The following ZNF532 variants were observed in gnomAD, a reference collection of about 807,000 sequenced individuals.
The protein encoded by ZNF532 is zinc finger protein 532.
Under a neutral mutation model 89.3 loss-of-function variants are expected in ZNF532, and 22 were observed. The ratio of observed to expected loss-of-function variants is 0.25; its 90% CI spans 0.18 to 0.35. The LOEUF is 0.35. Ranked by LOEUF, ZNF532 falls within the 10% of genes least tolerant of loss-of-function variation. ZNF532 has a pLI of 1.00. For synonymous variants in ZNF532, 606 were observed against 649.6 expected, an observed-to-expected ratio of 0.93 and a Z score of 1.02; for missense variants, 1,132 against 1,643.4, an observed-to-expected ratio of 0.69 and a Z score of 5.38.
intron 5 of ZNF532, among the ~76,000 whole-genome samples, chr18:58,942,246 A>T (rs181841549): frequency 0.034 from 5,022 of 145,662 alleles, 109 homozygotes; most frequent in Middle Eastern, 0.056. Context: ...ATGGTCTCGA[A>T]CTCCTGACCT....
Position 58,981,453 on chromosome 18 carries a change from T to A in ZNF532, c.3264-17T>A. The stretch of plus-strand genomic sequence containing the variant: ...TTTGTCAGCAAGTGCGTTATCTCCT[T>A]GCCTTTCACCCCACAGGCACTGCCC... On this transcript the variant is annotated splice_polypyrimidine_tract_variant and intron_variant, in intron 8 of 9. Coordinates refer to ENST00000591808, the MANE Select transcript of ZNF532 (RefSeq NM_001375912.1). 1.2e-6 allele frequency: 2 copies of A among 1,608,286 alleles called. No individual in the cohort carries two copies. Among genetic ancestry groups the A allele is most frequent in the Non-Finnish European group, 1.7e-6 (2 of 1,178,742 alleles).
At position 58,918,789 on chromosome 18, in the gene ZNF532, G is replaced by T; in HGVS notation, c.502G>T (p.Ala168Ser). The part of the protein sequence containing the change: ...SFRSNVLTGS[A>S]PQQDYDKLKA... ...CAGGTCGAATGTGTTGACGGGGTCG[G>T]CTCCCCAGCAGGACTACGATAAGCT... Residue 168 changes from alanine to serine, a missense_variant, in exon 3 of 10, where the codon GCT (alanine) becomes TCT (serine). Physicochemically the swap from Ala to Ser is moderately conservative, Grantham distance 99. Around this residue, in one of 9 missense-constraint regions of ZNF532, gnomAD observed 302 missense variants for 319.8 expected, o/e 0.94. Coordinates refer to ENST00000591808, the MANE Select transcript of ZNF532 (RefSeq NM_001375912.1). The T allele has an allele frequency of 1.2e-6, 2 of 1,614,192 alleles. No homozygotes were observed. The highest frequency in any genetic ancestry group is 1.7e-6 in the Non-Finnish European group (2 of 1,180,042).
At chr18:58,902,495 CTTT>C (rs1325440125) in intron 2 of ZNF532, among the ~76,000 whole-genome samples, 3 of 142,102 alleles carry the variant, frequency 2.1e-5, no homozygotes, top group African/African-American at 2.6e-5. Context: ...CCTTCTCCTT[CTTT>C]TTTTTTTTTT....
intron 9 of ZNF532, among the ~76,000 whole-genome samples, chr18:58,982,612 A>ACTCTGTCT (rs1639240100): frequency 6.6e-6 from 1 of 151,924 alleles, no homozygotes; most frequent in African/African-American, 2.4e-5. Flanking sequence ...ATAGAACGAG[A>ACTCTGTCT]CTCTGTCTCC....
rs970572794 is a variant in ZNF532, at chr18:58,965,744, G to A, written c.3150+11945G>A. Among the ~76,000 whole-genome samples the A allele has an allele frequency of 3.9e-5, 6 of 152,170 alleles. No homozygotes were observed. The South Asian group carries it at 6.2e-4, about 16-fold the overall frequency. ...TTGCTGTTAACAGCATCATGGTGTC[G>A]TTAATTAATTGGGCAAATCTTCCTG... On this transcript the variant is annotated intron_variant, in intron 7 of 9. Coordinates refer to ENST00000591808, the MANE Select transcript of ZNF532 (RefSeq NM_001375912.1).
chr18:58,863,610 AGCC>A (rs560514596), upstream of ZNF532: 34 of 145,044 alleles, frequency 2.3e-4, no homozygotes, highest in Non-Finnish European at 4.8e-4. Flanking sequence ...GTAACATGGA[AGCC>A]GCCGCCGCCG....
intron 3 of ZNF532, among the ~76,000 whole-genome samples, chr18:58,931,178 G>T (rs537465937): frequency 4.6e-5 from 7 of 152,060 alleles, no homozygotes; most frequent in Non-Finnish European, 7.4e-5. Flanking sequence ...AACCACTTAG[G>T]TGCCCTTTAT....
At chr18:58,973,947 TAGAA>T (rs1472978240) in intron 7 of ZNF532, among the ~76,000 whole-genome samples, 13 of 152,058 alleles carry the variant, frequency 8.5e-5, no homozygotes, top group Non-Finnish European at 1.5e-4. Context: ...AAACCAGAGA[TAGAA>T]AGCAAATCCC....
chr18:58,920,944 T>C (rs2146118337), intron 3 of ZNF532, among the ~76,000 whole-genome samples: 1 of 152,096 alleles, frequency 6.6e-6, no homozygotes, highest in South Asian at 2.1e-4. Context: ...GTTGTGGTTG[T>C]GGCAGCAGTG....
chr18:58,916,354 A>G (rs148709474), intron 2 of ZNF532, among the ~76,000 whole-genome samples: 127 of 152,356 alleles, frequency 8.3e-4, no homozygotes, highest in Middle Eastern at 3.4e-3. Flanking sequence ...AAACAAAACC[A>G]TAATCACAGA....
At chr18:58,885,280 CGCTCAG>C (rs2058219540) in intron 2 of ZNF532, among the ~76,000 whole-genome samples, 1 of 152,082 alleles carries the variant, frequency 6.6e-6, no homozygotes, top group Admixed American at 6.6e-5. Context: ...TGAGCCACAG[CGCTCAG>C]CTGGGTGTTT....
At chr18:58,869,415 G>A (rs1384453789) in intron 2 of ZNF532, among the ~76,000 whole-genome samples, 1 of 152,146 alleles carries the variant, frequency 6.6e-6, no homozygotes, top group African/African-American at 2.4e-5. Context: ...AACTGCAAGT[G>A]GTAAAATATC....
intron 2 of ZNF532, among the ~76,000 whole-genome samples, chr18:58,872,437 T>A (rs552599732): frequency 3.9e-5 from 6 of 152,204 alleles, no homozygotes; most frequent in Non-Finnish European, 8.8e-5. Flanking sequence ...AGGAACAAAT[T>A]CTTTCTAGGG....
chr18:58,922,727 G>A (rs961093045), intron 3 of ZNF532, among the ~76,000 whole-genome samples: 2 of 152,214 alleles, frequency 1.3e-5, no homozygotes, highest in Admixed American at 6.5e-5. Flanking sequence ...CTGGTGGGCT[G>A]TGTAGAGCGG....
intron 5 of ZNF532, among the ~76,000 whole-genome samples, chr18:58,947,713 TA>T (rs201656764): frequency 0.045 from 6,618 of 146,600 alleles, 186 homozygotes; most frequent in Non-Finnish European, 0.065. Flanking sequence ...TGTCTGATCT[TA>T]AAAAAAAAAA....
chr18:58,943,459 CTT>C (rs71336308), intron 5 of ZNF532, among the ~76,000 whole-genome samples: 1 of 131,334 alleles, frequency 7.6e-6, no homozygotes, highest in Non-Finnish European at 1.6e-5. Context: ...CGCGCCCAGC[CTT>C]TTTTTTTTTT....
At chr18:58,944,343 G>T (rs188476510) in intron 5 of ZNF532, among the ~76,000 whole-genome samples, 1 of 151,746 alleles carries the variant, frequency 6.6e-6, no homozygotes, top group African/African-American at 2.4e-5. Flanking sequence ...TTCCTTTCCC[G>T]CTCCCCCTCT....
chr18:58,939,496 C>T lies in ZNF532; in HGVS notation c.2580C>T (p.His860=). 6.2e-7 allele frequency: 1 copy of T among 1,614,090 alleles called. No individual in the cohort carries two copies. The highest frequency in any genetic ancestry group is 2.2e-5 in the East Asian group (1 of 44,886). Residue 860 remains histidine, a synonymous_variant, in exon 5 of 10, where the codon CAC becomes CAT. Transcript: ENST00000591808. ...VYSDVAALKS[H]IQGSHCEVFY... ...CTGATGTGGCTGCTCTGAAGTCTCACATTCAAGGTTCTCACTGTGAAGTCT... is the reference window on the plus strand; with the variant it reads ...CTGATGTGGCTGCTCTGAAGTCTCATATTCAAGGTTCTCACTGTGAAGTCT...
chr18:58,954,976 A>C (rs377757208), intron 7 of ZNF532, among the ~76,000 whole-genome samples: 23 of 152,284 alleles, frequency 1.5e-4, no homozygotes, highest in African/African-American at 5.5e-4. Flanking sequence ...TGGCCTCCCA[A>C]AGTGCTGGAT....
Sources: allele counts gnomAD v4.1 joint callset (sites outside exome capture counted in the v4.1 genomes callset), GRCh38; gene constraint gnomAD v4.1.1; regional missense constraint gnomAD v4.1.1; transcripts MANE v1.5; gene names NCBI Gene and HGNC (gene_info 2026-07-23, HGNC 2026-07-21).